Variants in CERS6 observed in about 807,000 individuals in gnomAD.
CERS6 encodes the protein ceramide synthase 6, also known as LAG1 homolog, ceramide synthase 6.
In CERS6, 26 loss-of-function variants were observed where a neutral mutation model predicts 56.8. That is an observed-to-expected ratio of 0.46 (90% CI 0.34 to 0.63). The LOEUF (loss-of-function observed/expected upper bound fraction) is 0.63. CERS6 is among the 30% of genes least tolerant of loss of function. The pLI, the probability that CERS6 is intolerant of heterozygous loss-of-function variation, is 0.01. For missense variants in CERS6, 415 were observed against 467.5 expected, an observed-to-expected ratio of 0.89 and a Z score of 1.04; for synonymous variants, 164 against 173.3, an observed-to-expected ratio of 0.95 and a Z score of 0.42.
intron 4 of CERS6, among the ~76,000 whole-genome samples, chr2:168,631,822 A>C (rs1172178767): frequency 1.5e-5 from 2 of 131,350 alleles, no homozygotes; most frequent in Non-Finnish European, 3.1e-5. Context: ...TTTATTATAT[A>C]TTATATAATA....
intron 8 of CERS6, among the ~76,000 whole-genome samples, chr2:168,723,636 A>G (rs1429014319): frequency 6.6e-6 from 1 of 152,196 alleles, no homozygotes; most frequent in Non-Finnish European, 1.5e-5. Context: ...GTTATTTTGA[A>G]TCAGTACTTG....
chr2:168,493,564 T>G (rs1484398556), intron 1 of CERS6, among the ~76,000 whole-genome samples: 1 of 152,194 alleles, frequency 6.6e-6, no homozygotes. Context: ...CTGTCCTCTC[T>G]GGATCTTACC....
chr2:168,663,444 C>G (rs964694089), intron 4 of CERS6, among the ~76,000 whole-genome samples: 1 of 152,094 alleles, frequency 6.6e-6, no homozygotes, highest in Non-Finnish European at 1.5e-5. Context: ...AGAGGGGTCT[C>G]ACTATGTTGC....
chr2:168,518,506 A>C (rs1370864336), intron 1 of CERS6, among the ~76,000 whole-genome samples: 2 of 152,132 alleles, frequency 1.3e-5, no homozygotes, highest in Non-Finnish European at 2.9e-5. Context: ...ATCTCTATGT[A>C]TATGTTTGTC....
intron 4 of CERS6, among the ~76,000 whole-genome samples, chr2:168,645,861 G>GAC (rs1395566558): frequency 1.4e-5 from 2 of 144,868 alleles, no homozygotes; most frequent in African/African-American, 5.4e-5. Flanking sequence ...TCCCACAAAA[G>GAC]ACATGCTCTT....
chr2:168,601,104 C>T (rs977062552), intron 3 of CERS6, among the ~76,000 whole-genome samples: 3 of 152,186 alleles, frequency 2.0e-5, no homozygotes, highest in African/African-American at 7.2e-5. Context: ...CTTCAGCCTA[C>T]GCCCTGTGAT....
Position 168,775,092 on chromosome 2 carries a change from C to T in CERS6, c.*5430C>T, listed in dbSNP as rs1684978007. ...AATCATTATTATGAGGATCATTTTA[C>T]TTTGGAAACACTTTCATAATAAAGA... On this transcript the variant is annotated 3_prime_UTR_variant, in exon 10 of 10. Transcript: ENST00000305747. 1 of 152,086 alleles carries T rather than the reference C, an allele frequency of 6.6e-6. No individual in the cohort carries two copies. The highest frequency in any genetic ancestry group is 1.5e-5 in the Non-Finnish European group (1 of 68,006). The allele number at this position is 152,086 out of a possible 1,614,324, so 9.4% of individuals were successfully genotyped here.
In CERS6 at chr2:168,763,197, A is replaced by G. The variant is rs557604312; in HGVS notation, c.846-2395A>G. Among the ~76,000 whole-genome samples the G allele has an allele frequency of 2.6e-3, 350 of 134,722 alleles. 4 individuals carry two copies. In the Middle Eastern group the frequency reaches 0.041, roughly 16 times the overall value. The allele number at this position is 134,722 out of a possible 152,430, so 88.4% of individuals were successfully genotyped here. A position where few individuals can be genotyped will look rare whatever the true frequency, so the allele number is the denominator to read the frequency against. On this transcript the variant is annotated intron_variant, in intron 8 of 9. Transcript: ENST00000305747. ...GCCTCTCCTTTTTTCTTTTTTCTTT[A>G]TCTCTTATTCCAGCTGCAATAATTG...
At chr2:168,682,033 CTGTTG>C (rs1686230510) in intron 4 of CERS6, among the ~76,000 whole-genome samples, 1 of 152,076 alleles carries the variant, frequency 6.6e-6, no homozygotes, top group Non-Finnish European at 1.5e-5. Flanking sequence ...ATCTATTCAT[CTGTTG>C]ATTCCATATC....
At chr2:168,641,438 A>G (rs1010237165) in intron 4 of CERS6, among the ~76,000 whole-genome samples, 2 of 152,278 alleles carry the variant, frequency 1.3e-5, no homozygotes, top group African/African-American at 4.8e-5. Flanking sequence ...TAGTCTTTAG[A>G]CTTCCCACTG....
At chr2:168,663,363 G>C (rs1431719967) in intron 4 of CERS6, among the ~76,000 whole-genome samples, 1 of 152,132 alleles carries the variant, frequency 6.6e-6, no homozygotes, top group African/African-American at 2.4e-5. Context: ...AGGCAGTCAA[G>C]CAGTTCAGAA....
intron 1 of CERS6, among the ~76,000 whole-genome samples, chr2:168,484,826 C>T (rs1694247113): frequency 6.6e-6 from 1 of 152,172 alleles, no homozygotes; most frequent in African/African-American, 2.4e-5. Context: ...TCATTGGAAG[C>T]TGCCCTGGGT....
At chr2:168,630,877 AG>A in intron 3 of CERS6, 107 bp from the exon 4 acceptor site, 2 of 503,126 alleles carry the variant, frequency 4.0e-6, no homozygotes, top group East Asian at 3.2e-5. Context: ...TAGTTGAGGT[AG>A]GGGGACAAAT....
chr2:168,753,652 A>G (rs1481550057), intron 8 of CERS6, among the ~76,000 whole-genome samples: 1 of 152,212 alleles, frequency 6.6e-6, no homozygotes, highest in Non-Finnish European at 1.5e-5. Flanking sequence ...ATCTCTCTCA[A>G]GACTGCAGGC....
At chr2:168,724,762 G>C (rs1325484946) in intron 8 of CERS6, among the ~76,000 whole-genome samples, 1 of 152,212 alleles carries the variant, frequency 6.6e-6, no homozygotes, top group African/African-American at 2.4e-5. Context: ...GCCGATTGGT[G>C]TATTTACAAT....
intron 8 of CERS6, among the ~76,000 whole-genome samples, chr2:168,729,320 T>C (rs1469274627): frequency 6.6e-6 from 1 of 152,206 alleles, no homozygotes; most frequent in Non-Finnish European, 1.5e-5. Context: ...TTATGGAAAG[T>C]CCTAGAGCAG....
intron 3 of CERS6, among the ~76,000 whole-genome samples, chr2:168,607,362 C>G (rs13390585): frequency 0.063 from 9,564 of 152,110 alleles, 429 homozygotes; most frequent in Non-Finnish European, 0.093. Flanking sequence ...TCCCAGTAAT[C>G]AAAACTAGTA....
At chr2:168,631,816 T>TTATATATTATATAATATATATTATATAA (rs1160754760) in intron 4 of CERS6, among the ~76,000 whole-genome samples, 40 of 125,506 alleles carry the variant, frequency 3.2e-4, no homozygotes, top group Admixed American at 2.6e-3. Flanking sequence ...ATATAATTTA[T>TTATATATTATATAATATATATTATATAA]TATATATTAT....
intron 8 of CERS6, among the ~76,000 whole-genome samples, chr2:168,723,840 C>T (rs1189811094): frequency 6.6e-6 from 1 of 152,218 alleles, no homozygotes; most frequent in African/African-American, 2.4e-5. Flanking sequence ...TTCCTGTTCT[C>T]TGTAACAACA....
Sources: gnomAD v4.1 joint callset for allele counts (sites outside exome capture counted in the v4.1 genomes callset) on GRCh38, gnomAD v4.1.1 for gene constraint, MANE v1.5 for transcripts, NCBI Gene and HGNC (gene_info 2026-07-23, HGNC 2026-07-21) for gene names.